Variants in ATP6V1H observed in about 807,000 individuals in gnomAD.
The protein encoded by ATP6V1H is V-type proton ATPase subunit H.
Under a neutral mutation model 71.7 loss-of-function variants are expected in ATP6V1H, and 39 were observed. The ratio of observed to expected loss-of-function variants is 0.54; its 90% CI spans 0.42 to 0.71. The LOEUF (loss-of-function observed/expected upper bound fraction) is 0.71, where lower values mean the gene tolerates loss of function less well. Ranked by LOEUF, ATP6V1H falls within the 30% of genes least tolerant of loss-of-function variation. The pLI is 0.00. For synonymous variants in ATP6V1H, 192 were observed against 199.3 expected, an observed-to-expected ratio of 0.96 and a Z score of 0.31; for missense variants, 509 against 594.9, an observed-to-expected ratio of 0.86 and a Z score of 1.50.
chr8:53,749,898 G>A (rs536906786), intron 12 of ATP6V1H, among the ~76,000 whole-genome samples: 2 of 152,334 alleles, frequency 1.3e-5, no homozygotes, highest in South Asian at 2.1e-4. Context: ...TCCCTAAGGT[G>A]AGTGTCAGGC....
At position 53,804,711 on chromosome 8, in the gene ATP6V1H, G is replaced by C. The variant is rs187888500; in HGVS notation, c.580-2815C>G. 2.2e-3 allele frequency among the ~76,000 whole-genome samples: 338 copies of C among 152,310 alleles called. 2 individuals are homozygous for C. Among genetic ancestry groups the C allele is most frequent in the African/African-American group, 7.9e-3 (327 of 41,584 alleles). ...ATAGCGAGTTAATCTTAGATTGGCAGTAGAAGTCAACTCTCTTCATGCTTG... is the reference window on the plus strand; with the variant it reads ...ATAGCGAGTTAATCTTAGATTGGCACTAGAAGTCAACTCTCTTCATGCTTG... On this transcript the variant is annotated intron_variant, in intron 7 of 13. Coordinates refer to ENST00000359530, the MANE Select transcript of ATP6V1H (RefSeq NM_015941.4).
chr8:53,754,151 T>C (rs774489929), intron 12 of ATP6V1H, among the ~76,000 whole-genome samples: 9 of 152,138 alleles, frequency 5.9e-5, no homozygotes, highest in Non-Finnish European at 1.0e-4. Flanking sequence ...CAAACCTCTC[T>C]GTAAAGGGCA....
rs1808083152 is a variant in ATP6V1H, at chr8:53,756,744, G to GA, written c.1176-89dup. 7.9e-6 allele frequency: 6 copies of GA among 763,054 alleles called. No individual in the cohort carries two copies. In the South Asian group the frequency reaches 1.2e-4, roughly 15 times the overall value. 47.3% of individuals were successfully genotyped at this position (763,054 alleles called of 1,614,324 possible). Reference sequence around the variant, plus strand: ...ACAGGTATAATGAAGATATCTTCCTGAAAATAGACATTTATTAATATATTC... The same window carrying GA: ...ACAGGTATAATGAAGATATCTTCCTGAAAAATAGACATTTATTAATATATTC... On this transcript the variant is annotated intron_variant, in intron 11 of 13. Coordinates refer to ENST00000359530, the MANE Select transcript of ATP6V1H (RefSeq NM_015941.4).
chr8:53,834,331 G>T (rs1044766324), intron 2 of ATP6V1H, among the ~76,000 whole-genome samples: 1 of 152,186 alleles, frequency 6.6e-6, no homozygotes. Flanking sequence ...AAAAGCACTC[G>T]CTGTATATTA....
chr8:53,837,756 A>G (rs1440335113), intron 2 of ATP6V1H, among the ~76,000 whole-genome samples: 1 of 152,214 alleles, frequency 6.6e-6, no homozygotes, highest in African/African-American at 2.4e-5. Flanking sequence ...CTACTGAGGC[A>G]GCAAGGATAG....
At position 53,769,396 on chromosome 8, in the gene ATP6V1H, G is replaced by C. The variant is rs143118606; in HGVS notation, c.1175+222C>G. 3.9e-4 allele frequency among the ~76,000 whole-genome samples: 59 copies of C among 152,214 alleles called. No homozygotes were observed. In the East Asian group the frequency reaches 8.9e-3, roughly 23 times the overall value. ...CAACTTCATGTTCAGAATACATATA[G>C]AACTCCTGTAGAAGGAAAGAAAATA... On this transcript the variant is annotated intron_variant, in intron 11 of 13. Transcript: ENST00000359530.
At chr8:53,778,529 C>T (rs987058136) in intron 9 of ATP6V1H, among the ~76,000 whole-genome samples, 8 of 152,128 alleles carry the variant, frequency 5.3e-5, no homozygotes, top group African/African-American at 1.9e-4. Context: ...GAAGACTATT[C>T]AGCCATAGAA....
At chr8:53,770,064 A>G (rs961086640) in intron 10 of ATP6V1H, among the ~76,000 whole-genome samples, 1 of 152,134 alleles carries the variant, frequency 6.6e-6, no homozygotes, top group Non-Finnish European at 1.5e-5. Flanking sequence ...GATAATCAGA[A>G]TTTCTACCAT....
At chr8:53,796,352 TC>T (rs1809736261) in intron 8 of ATP6V1H, among the ~76,000 whole-genome samples, 1 of 152,152 alleles carries the variant, frequency 6.6e-6, no homozygotes, top group African/African-American at 2.4e-5. Flanking sequence ...TGATCAAATT[TC>T]TAGTTTGATC....
chr8:53,765,936 T>A (rs993792067), intron 11 of ATP6V1H, among the ~76,000 whole-genome samples: 1 of 152,210 alleles, frequency 6.6e-6, no homozygotes, highest in South Asian at 2.1e-4. Context: ...GGTAAAAGAA[T>A]AGACAAATAG....
At position 53,811,204 on chromosome 8, in the gene ATP6V1H, C is replaced by T. The variant is rs1268033689; in HGVS notation, c.539G>A (p.Ser180Asn). The T allele has an allele frequency of 1.2e-6, 2 of 1,613,356 alleles. No individual in the cohort carries two copies. Among genetic ancestry groups the T allele is most frequent in the South Asian group, 2.2e-5 (2 of 91,028 alleles). ...TQLSSQKLRG[S>N]GVAVETGTVS... ...TGTTCCTGTTTCAACAGCAACACCG[C>T]TACCACGCAGTTTCTATTACGAAAT... Residue 180 changes from serine to asparagine, a missense_variant, in exon 7 of 14, where the codon AGC becomes AAC. Transcript: ENST00000359530.
intron 9 of ATP6V1H, among the ~76,000 whole-genome samples, chr8:53,794,280 C>T (rs1809658057): frequency 6.6e-6 from 1 of 152,164 alleles, no homozygotes; most frequent in African/African-American, 2.4e-5. Flanking sequence ...TGCTTGCAAA[C>T]ATCTGAAAGA....
chr8:53,782,596 G>C (rs1248509477), intron 9 of ATP6V1H, among the ~76,000 whole-genome samples: 1 of 152,130 alleles, frequency 6.6e-6, no homozygotes, highest in Non-Finnish European at 1.5e-5. Flanking sequence ...GGAGTGGTGA[G>C]AGAGGGCATC....
In ATP6V1H at chr8:53,814,766, C is replaced by T. The variant is rs182719588; in HGVS notation, c.421G>A (p.Ala141Thr). 1.9e-6 allele frequency: 3 copies of T among 1,602,130 alleles called. No homozygotes were observed. In the East Asian group the frequency reaches 6.7e-5, roughly 36 times the overall value. The change falls in exon 6 of 14, where the codon GCA becomes ACA. Residue 141 changes from alanine to threonine, a missense_variant and splice_region_variant. Physicochemically the swap from Ala to Thr is moderately conservative, Grantham distance 58 (BLOSUM62 0). Around this residue, in one of 2 missense-constraint regions of ATP6V1H, gnomAD observed 297 missense variants for 303.3 expected, o/e 0.98. Transcript: ENST00000359530. ...GCTAACTTGGCAATAATTCTTGCTG[C>T]CTGAAAACAAATAAGAGATACATTT... ...NRQDPFTVHM[A>T]ARIIAKLAAW...
At chr8:53,810,109 A>G (rs1177955675) in intron 7 of ATP6V1H, among the ~76,000 whole-genome samples, 1 of 152,198 alleles carries the variant, frequency 6.6e-6, no homozygotes, top group Non-Finnish European at 1.5e-5. Context: ...AATGGCTCCT[A>G]CAGAGCTTCA....
At chr8:53,842,994 G>T (rs1207315229) in intron 1 of ATP6V1H, 40 bp downstream of exon 1, 1 of 152,400 alleles carries the variant, frequency 6.6e-6, no homozygotes, top group Non-Finnish European at 1.5e-5. Flanking sequence ...GCCTGACCTG[G>T]TCTGCAGCCT....
intron 9 of ATP6V1H, among the ~76,000 whole-genome samples, chr8:53,779,150 A>T (rs902942183): frequency 3.9e-5 from 6 of 152,170 alleles, no homozygotes; most frequent in Non-Finnish European, 8.8e-5. Context: ...TAAACAAAAA[A>T]ATCAGTACAT....
intron 12 of ATP6V1H, among the ~76,000 whole-genome samples, chr8:53,750,117 G>C (rs930727890): frequency 6.6e-6 from 1 of 152,226 alleles, no homozygotes; most frequent in Admixed American, 6.5e-5. Flanking sequence ...GGCCAGTACA[G>C]TTGATAAGGT....
chr8:53,724,621 A>G (rs1806744205), intron 13 of ATP6V1H, among the ~76,000 whole-genome samples: 1 of 136,016 alleles, frequency 7.4e-6, no homozygotes, highest in African/African-American at 2.7e-5. Flanking sequence ...GACAGCCAAG[A>G]GGACGAGGCC....
Sources: allele counts gnomAD v4.1 joint callset (sites outside exome capture counted in the v4.1 genomes callset), GRCh38; gene constraint gnomAD v4.1.1; regional missense constraint gnomAD v4.1.1; transcripts MANE v1.5; gene names NCBI Gene and HGNC (gene_info 2026-07-23, HGNC 2026-07-21).